CALN1: variants seen among roughly 807,000 people sequenced by gnomAD.
The protein encoded by CALN1 is calneuron 1, also known as calcium-binding protein 8.
In CALN1, 17 loss-of-function variants were observed where a neutral mutation model predicts 30.6. That is an observed-to-expected ratio of 0.56 (90% confidence interval 0.38 to 0.83). CALN1 has a LOEUF of 0.83. Ranked by LOEUF, CALN1 falls within the 40% of genes least tolerant of loss-of-function variation. CALN1 has a pLI of 0.00. For missense variants in CALN1, 291 were observed against 354.9 expected (o/e 0.82, Z 1.45); for synonymous variants, 156 against 131.4 (o/e 1.19, Z -1.28).
chr7:72,226,162 T>C (rs939778244), intron 3 of CALN1, among the ~76,000 whole-genome samples: 6 of 151,244 alleles, frequency 4.0e-5, no homozygotes, highest in Admixed American at 1.3e-4. Context: ...GGAGAATCGC[T>C]TGAATCCGGG....
chr7:72,122,909 G>T (rs1403586907), intron 3 of CALN1, among the ~76,000 whole-genome samples: 1 of 152,126 alleles, frequency 6.6e-6, no homozygotes, highest in Non-Finnish European at 1.5e-5. Flanking sequence ...GAAAATAATT[G>T]TTCAATGATA....
At chr7:71,804,759 C>T (rs1050931594) in intron 6 of CALN1, among the ~76,000 whole-genome samples, 3 of 152,198 alleles carry the variant, frequency 2.0e-5, no homozygotes, top group Middle Eastern at 3.4e-3. Flanking sequence ...GTCAGGAGTT[C>T]GAGACCAGCC....
intron 1 of CALN1, among the ~76,000 whole-genome samples, chr7:72,437,525 A>AGTGTGTGTGTGTGT (rs9297115): frequency 0.029 from 4,409 of 150,698 alleles, 76 homozygotes; most frequent in Non-Finnish European, 0.035. Context: ...AGTTGTGTGG[A>AGTGTGTGTGTGTGT]GTGTGTGTGT....
At chr7:71,809,631 AAAG>A (rs1429132278) in intron 6 of CALN1, among the ~76,000 whole-genome samples, 2 of 152,024 alleles carry the variant, frequency 1.3e-5, no homozygotes, top group African/African-American at 4.8e-5. Flanking sequence ...TCAAAGTTGG[AAAG>A]AAGGATTAAA....
At position 72,410,954 on chromosome 7, in the gene CALN1, T is replaced by G. The variant is rs72607595; in HGVS notation, c.-74+1104A>C. Among the ~76,000 whole-genome samples, 5 of 145,060 alleles carry G rather than the reference T, an allele frequency of 3.4e-5. No homozygotes were observed. The East Asian group carries it at 1.1e-3, about 32-fold the overall frequency. On this transcript the variant is annotated intron_variant, in intron 1 of 6. Transcript: ENST00000395275. ...TAGAGGCATAAGATGGGAAAAGAAATAAAGTTATTTTAAGGTGATATGATT... is the reference window on the plus strand; with the variant it reads ...TAGAGGCATAAGATGGGAAAAGAAAGAAAGTTATTTTAAGGTGATATGATT...
intron 5 of CALN1, among the ~76,000 whole-genome samples, chr7:71,817,013 G>A (rs1267478299): frequency 1.3e-5 from 2 of 152,210 alleles, no homozygotes; most frequent in East Asian, 1.9e-4. Context: ...TCATGTTTTA[G>A]TATTAGGGTA....
intron 5 of CALN1, among the ~76,000 whole-genome samples, chr7:72,020,514 C>A (rs1406521351): frequency 6.6e-6 from 1 of 152,084 alleles, no homozygotes; most frequent in Non-Finnish European, 1.5e-5. Flanking sequence ...GAAGGGGAGG[C>A]TGATTACTGA....
chr7:71,960,142 T>C (rs201510563), intron 5 of CALN1, among the ~76,000 whole-genome samples: 92 of 4,084 alleles, frequency 0.023, no homozygotes, highest in African/African-American at 0.071. Context: ...CAAAAATAAA[T>C]AAATAAATAA....
chr7:72,377,015 T>C (rs1349589401), intron 2 of CALN1, among the ~76,000 whole-genome samples: 1 of 152,226 alleles, frequency 6.6e-6, no homozygotes, highest in African/African-American at 2.4e-5. Flanking sequence ...ATAGGTTTTC[T>C]TTTTGGACTC....
rs138843972 is a variant in CALN1, at chr7:72,409,192, C to T, written c.-74+2866G>A. Among the ~76,000 whole-genome samples the T allele has an allele frequency of 1.3e-3, 202 of 152,008 alleles. 5 individuals carry two copies. The South Asian group carries it at 0.027, about 20-fold the overall frequency. On this transcript the variant is annotated intron_variant, in intron 1 of 6. Coordinates refer to ENST00000395275, the MANE Select transcript of CALN1 (RefSeq NM_031468.4). ...TGCATTTTTAGTAGAGACAGTGTTTCACCATCTTGGCCAGGCTGGTCTCCA... is the reference window on the plus strand; with the variant it reads ...TGCATTTTTAGTAGAGACAGTGTTTTACCATCTTGGCCAGGCTGGTCTCCA...
chr7:72,195,959 C>T lies in CALN1; in HGVS notation c.244+82727G>A, dbSNP rs191620767. Among the ~76,000 whole-genome samples the T allele has an allele frequency of 7.0e-4, 107 of 152,252 alleles. 1 individual carries two copies. The South Asian group carries it at 0.013, about 19-fold the overall frequency. On this transcript the variant is annotated intron_variant, in intron 3 of 6. Coordinates refer to ENST00000395275, the MANE Select transcript of CALN1 (RefSeq NM_031468.4). ...ACATGAAGGAAACTTGAAAACATTACACTCAATGAAAGAATATTTGATATT... is the reference window on the plus strand; with the variant it reads ...ACATGAAGGAAACTTGAAAACATTATACTCAATGAAAGAATATTTGATATT...
At chr7:72,435,309 G>A (rs1372908067) in intron 1 of CALN1, among the ~76,000 whole-genome samples, 2 of 152,002 alleles carry the variant, frequency 1.3e-5, no homozygotes, top group East Asian at 3.9e-4. Flanking sequence ...GAAGGGGGAA[G>A]AGACATAGGA....
chr7:72,139,144 G>T (rs1419580305), intron 3 of CALN1, among the ~76,000 whole-genome samples: 1 of 152,146 alleles, frequency 6.6e-6, no homozygotes, highest in African/African-American at 2.4e-5. Flanking sequence ...CAACAAGCAG[G>T]TTGCTATTCC....
intron 3 of CALN1, among the ~76,000 whole-genome samples, chr7:72,143,405 C>A (rs1300775007): frequency 1.3e-5 from 2 of 152,002 alleles, no homozygotes; most frequent in Admixed American, 1.3e-4. Context: ...TGAAATGAAG[C>A]TAGAAGAGAA....
At chr7:71,879,763 G>C (rs1792458683) in intron 5 of CALN1, among the ~76,000 whole-genome samples, 1 of 152,166 alleles carries the variant, frequency 6.6e-6, no homozygotes, top group African/African-American at 2.4e-5. Context: ...ACCCTCCTGG[G>C]CTCCAGGTAC....
At chr7:72,058,522 T>A (rs903520468) in intron 4 of CALN1, among the ~76,000 whole-genome samples, 1 of 151,960 alleles carries the variant, frequency 6.6e-6, no homozygotes, top group Non-Finnish European at 1.5e-5. Flanking sequence ...TTTCACCATG[T>A]TGGTCAGGCT....
chr7:72,260,351 C>T (rs7801170), intron 3 of CALN1, among the ~76,000 whole-genome samples: 54,566 of 152,030 alleles, frequency 0.36, 10,719 homozygotes, highest in Middle Eastern at 0.55. Context: ...TATGACAAAA[C>T]TTACAGATCT....
upstream of CALN1, among the ~76,000 whole-genome samples, chr7:72,413,100 T>C (rs1398473677): frequency 6.6e-6 from 1 of 152,090 alleles, no homozygotes. Context: ...CAGAGGCAGG[T>C]TCTGTTAGAC....
At chr7:71,958,297 T>G (rs529591781) in intron 5 of CALN1, among the ~76,000 whole-genome samples, 1 of 152,198 alleles carries the variant, frequency 6.6e-6, no homozygotes, top group Non-Finnish European at 1.5e-5. Context: ...CCTCTGTTTG[T>G]CAGGTTTCTT....
Sources: gnomAD v4.1 joint callset for allele counts (sites outside exome capture counted in the v4.1 genomes callset) on GRCh38, gnomAD v4.1.1 for gene constraint, MANE v1.5 for transcripts, NCBI Gene and HGNC (gene_info 2026-07-23, HGNC 2026-07-21) for gene names.